The following CFAP221 variants were observed in gnomAD, a reference collection of about 807,000 sequenced individuals.
CFAP221 encodes cilia and flagella associated protein 221, also known as cilia- and flagella-associated protein 221.
A neutral mutation model predicts 113.1 loss-of-function variants in CFAP221; 97 were observed. The ratio of observed to expected loss-of-function variants is 0.86; its 90% CI spans 0.73 to 1.02. CFAP221 has a LOEUF of 1.02. Ranked by LOEUF, CFAP221 falls within the 50% of genes least tolerant of loss-of-function variation. The probability of loss-of-function intolerance (pLI) is 0.00; values close to 1 mark genes in which losing one functional copy is unlikely to be tolerated. For missense variants in CFAP221, 1,025 were observed against 1,013.4 expected, an observed-to-expected ratio of 1.01 and a Z score of -0.16; for synonymous variants, 331 against 354.4, an observed-to-expected ratio of 0.93 and a Z score of 0.74.
chr2:119,585,926 G>T (rs912627538), intron 6 of CFAP221, among the ~76,000 whole-genome samples: 1 of 152,316 alleles, frequency 6.6e-6, no homozygotes, highest in South Asian at 2.1e-4. Context: ...AGATGGGTTC[G>T]GATGGGTCCT....
At chr2:119,571,878 G>C (rs77093499) in intron 6 of CFAP221, among the ~76,000 whole-genome samples, 2 of 152,242 alleles carry the variant, frequency 1.3e-5, no homozygotes, top group African/African-American at 4.8e-5. Flanking sequence ...CTTTCACATA[G>C]AATCAATTGG....
chr2:119,559,346 G>T (rs1009575976), intron 3 of CFAP221, among the ~76,000 whole-genome samples: 1 of 151,948 alleles, frequency 6.6e-6, no homozygotes, highest in Non-Finnish European at 1.5e-5. Flanking sequence ...CGATTGAATC[G>T]CAGGACTAAA....
chr2:119,627,505 G>T (rs1686395248), intron 15 of CFAP221, 148 bp from the exon 16 acceptor site: 2 of 537,130 alleles, frequency 3.7e-6, no homozygotes, highest in Non-Finnish European at 5.3e-6. Context: ...GAACCAATGG[G>T]ACAGTAAAAG....
chr2:119,577,797 A>G (rs1390578080), intron 6 of CFAP221, among the ~76,000 whole-genome samples: 1 of 152,270 alleles, frequency 6.6e-6, no homozygotes, highest in African/African-American at 2.4e-5. Context: ...ATGGGGTAAG[A>G]TAATCATTCG....
chr2:119,604,797 G>A lies in CFAP221; in HGVS notation c.912+5G>A, dbSNP rs752292984. 12 of 1,575,876 alleles carry A rather than the reference G, an allele frequency of 7.6e-6. No homozygotes were observed. The highest frequency in any genetic ancestry group is 4.5e-5 in the East Asian group (2 of 44,402). ...CCGAAGCCTCAGAAGGTGAAGGTAC[G>A]GTGGGCCTTGTCCTTGGTGCGATGA... is the stretch of plus-strand genomic sequence containing the variant. On this transcript the variant is annotated splice_donor_5th_base_variant and intron_variant, in intron 9 of 23. Transcript: ENST00000413369.
At chr2:119,637,029 G>T (rs1043904789) in intron 19 of CFAP221, among the ~76,000 whole-genome samples, 4 of 152,146 alleles carry the variant, frequency 2.6e-5, no homozygotes, top group Non-Finnish European at 5.9e-5. Context: ...CCCTGGTGTT[G>T]TGTACCTTTG....
intron 6 of CFAP221, among the ~76,000 whole-genome samples, chr2:119,581,308 A>ACTTC (rs1682828581): frequency 1.3e-5 from 2 of 152,228 alleles, no homozygotes; most frequent in Admixed American, 1.3e-4. Flanking sequence ...ATTGAGGCAA[A>ACTTC]CTTCCATTTT....
Position 119,615,655 on chromosome 2 carries a change from C to A in CFAP221, c.1356C>A (p.Asn452Lys), listed in dbSNP as rs1558965107. The change falls in exon 14 of 24, where the codon AAC becomes AAA. Residue 452 changes from asparagine to lysine, a missense_variant. Transcript: ENST00000413369. ...CTACTTTTGATCCACTCATTAATAA[C>A]ACTTGGCTCAGCAGGTCCAGGGCAC... is the stretch of plus-strand genomic sequence containing the variant. ...FHPTFDPLIN[N>K]TWLSRSRAQK... 9 of 1,612,990 alleles carry A rather than the reference C, an allele frequency of 5.6e-6. No individual in the cohort carries two copies. Among genetic ancestry groups the A allele is most frequent in the Non-Finnish European group, 7.6e-6 (9 of 1,179,550 alleles).
chr2:119,634,460 G>T (rs146356465), intron 19 of CFAP221, among the ~76,000 whole-genome samples: 16 of 151,990 alleles, frequency 1.1e-4, no homozygotes, highest in Admixed American at 7.9e-4. Context: ...AAACAAGACC[G>T]TGTTTCAAAA....
chr2:119,626,884 C>T (rs1686343943), intron 15 of CFAP221, among the ~76,000 whole-genome samples: 1 of 151,260 alleles, frequency 6.6e-6, no homozygotes, highest in Non-Finnish European at 1.5e-5. Context: ...AAGCTATGAT[C>T]GCACCACTGC....
chr2:119,625,843 T>G (rs1686272332), intron 15 of CFAP221, 155 bp downstream of exon 15: 1 of 613,208 alleles, frequency 1.6e-6, no homozygotes, highest in African/African-American at 1.9e-5. Flanking sequence ...CACTTGTGCC[T>G]TCTGCTTCCT....
chr2:119,574,668 G>T (rs1264997066), intron 6 of CFAP221, among the ~76,000 whole-genome samples: 2 of 152,078 alleles, frequency 1.3e-5, no homozygotes, highest in Non-Finnish European at 2.9e-5. Context: ...TTCTGCTGCA[G>T]CAGCCCAGGT....
Position 119,611,740 on chromosome 2 carries a change from G to A in CFAP221, c.1309G>A (p.Glu437Lys), listed in dbSNP as rs1210414971. 5 of 1,609,970 alleles carry A rather than the reference G, an allele frequency of 3.1e-6. No individual in the cohort carries two copies. The Admixed American group carries it at 5.1e-5, about 16-fold the overall frequency. ...SHKRVVRNQEEKIKEFHPTFD... is the reference protein window; with the variant it reads ...SHKRVVRNQEKKIKEFHPTFD... ...TAAACGGGTTGTTCGCAATCAAGAA[G>A]AGGTGGGTAACTTTCCTTTATTTAG... is the stretch of plus-strand genomic sequence containing the variant. The change falls in exon 13 of 24, where the codon GAG (glutamate) becomes AAG (lysine). Residue 437 changes from glutamate to lysine, a missense_variant and splice_region_variant. Coordinates refer to ENST00000413369, the MANE Select transcript of CFAP221 (RefSeq NM_001271049.2).
chr2:119,571,026 A>T (rs1682001745), intron 6 of CFAP221, among the ~76,000 whole-genome samples: 2 of 152,096 alleles, frequency 1.3e-5, no homozygotes, highest in African/African-American at 4.8e-5. Flanking sequence ...TCTTGAGCTC[A>T]GGAGTTCAAG....
intron 6 of CFAP221, among the ~76,000 whole-genome samples, chr2:119,568,571 A>G (rs368533767): frequency 6.6e-6 from 1 of 152,016 alleles, no homozygotes; most frequent in East Asian, 1.9e-4. Context: ...GTTCCCACTT[A>G]TATGTGAGAA....
intron 6 of CFAP221, among the ~76,000 whole-genome samples, chr2:119,574,140 C>T (rs1165451588): frequency 1.3e-5 from 2 of 152,202 alleles, no homozygotes; most frequent in Non-Finnish European, 2.9e-5. Flanking sequence ...ATACTCTGCT[C>T]TCCTCCCCTA....
Position 119,626,324 on chromosome 2 carries a change from G to A in CFAP221, c.1516+636G>A, listed in dbSNP as rs184179676. 4.6e-5 allele frequency among the ~76,000 whole-genome samples: 7 copies of A among 152,314 alleles called. No homozygotes were observed. The South Asian group carries it at 1.2e-3, about 27-fold the overall frequency. ...ATTCACAGGCCCCTGGGAATGGGAT[G>A]TGGGTACCTCTGAGTGCCATTATTC... On this transcript the variant is annotated intron_variant, in intron 15 of 23. Coordinates refer to ENST00000413369, the MANE Select transcript of CFAP221 (RefSeq NM_001271049.2).
At chr2:119,656,221 T>A in intron 23 of CFAP221, 141 bp from the exon 24 acceptor site, 2 of 633,422 alleles carry the variant, frequency 3.2e-6, no homozygotes, top group East Asian at 5.6e-5. Context: ...GTAAGTAAAC[T>A]ATCACTAACT....
At chr2:119,546,009 G>A in intron 1 of CFAP221, 76 bp from the exon 2 acceptor site, 1 of 1,074,796 alleles carries the variant, frequency 9.3e-7, no homozygotes, top group Non-Finnish European at 1.3e-6. Flanking sequence ...CAGAGACGAG[G>A]TACATTTATC....
Sources: gnomAD v4.1 joint callset for allele counts (sites outside exome capture counted in the v4.1 genomes callset) on GRCh38, gnomAD v4.1.1 for gene constraint, MANE v1.5 for transcripts, NCBI Gene and HGNC (gene_info 2026-07-23, HGNC 2026-07-21) for gene names.